IL10RB: variants seen among roughly 807,000 people sequenced by gnomAD.
IL10RB encodes the protein interleukin-10 receptor subunit beta.
IL10RB carries 30 observed loss-of-function variants against 38.7 expected under a neutral mutation model. The observed-to-expected ratio is 0.78, with a 90% CI of 0.58 to 1.05. The LOEUF (loss-of-function observed/expected upper bound fraction) is 1.05, where lower values mean the gene tolerates loss of function less well. Among genes scored for constraint, IL10RB ranks in the 50% least tolerant of loss-of-function variants. The pLI is 0.00. For missense variants in IL10RB, 328 were observed against 397.1 expected (o/e 0.83, Z 1.48); for synonymous variants, 142 against 145.9 (o/e 0.97, Z 0.19).
chr21:33,305,405 G>A (rs932740637), intron 1 of IL10RB, among the ~76,000 whole-genome samples: 3 of 151,788 alleles, frequency 2.0e-5, no homozygotes, highest in South Asian at 2.1e-4. Flanking sequence ...CCCCATGCCC[G>A]GCCCTTCAAC....
chr21:33,294,849 C>T (rs1424935366), intron 6 of IL10RB, among the ~76,000 whole-genome samples: 3 of 152,148 alleles, frequency 2.0e-5, no homozygotes, highest in Non-Finnish European at 4.4e-5. Flanking sequence ...AGTGGGAAAC[C>T]AGCAGAGATT....
At chr21:33,291,131 T>C (rs1989478694) in intron 6 of IL10RB, among the ~76,000 whole-genome samples, 1 of 152,130 alleles carries the variant, frequency 6.6e-6, no homozygotes, top group Non-Finnish European at 1.5e-5. Context: ...TTGCCCCTCC[T>C]TTATACAGAC....
At chr21:33,273,819 C>T (rs1420584350) in intron 2 of IL10RB, among the ~76,000 whole-genome samples, 5 of 152,238 alleles carry the variant, frequency 3.3e-5, no homozygotes, top group African/African-American at 4.8e-5. Flanking sequence ...TTTCTTTGCT[C>T]ACTCATTAGA....
intron 1 of IL10RB, 144 bp from the exon 2 acceptor site, chr21:33,268,250 A>G: frequency 6.5e-7 from 1 of 1,548,284 alleles, no homozygotes; most frequent in East Asian, 2.4e-5. Flanking sequence ...TCCTCAGCAC[A>G]GCCAACCTGT....
intron 2 of IL10RB, among the ~76,000 whole-genome samples, chr21:33,269,054 A>G (rs1989027697): frequency 6.6e-6 from 1 of 152,202 alleles, no homozygotes; most frequent in South Asian, 2.1e-4. Flanking sequence ...TAATTTGCAT[A>G]ATGAGTGCTC....
chr21:33,299,282 C>CA (rs2082979454), downstream of IL10RB, among the ~76,000 whole-genome samples: 1 of 152,146 alleles, frequency 6.6e-6, no homozygotes, highest in Non-Finnish European at 1.5e-5. Context: ...TTTCCCCAGA[C>CA]AAAGGATGCC....
At chr21:33,269,205 C>A (rs1040054923) in intron 2 of IL10RB, among the ~76,000 whole-genome samples, 1 of 152,198 alleles carries the variant, frequency 6.6e-6, no homozygotes, top group Non-Finnish European at 1.5e-5. Flanking sequence ...ATCTGAACGC[C>A]CTCTACCTCT....
intron 4 of IL10RB, among the ~76,000 whole-genome samples, chr21:33,280,581 A>T (rs1238218008): frequency 6.6e-6 from 1 of 152,242 alleles, no homozygotes; most frequent in Non-Finnish European, 1.5e-5. Flanking sequence ...ACATCAGTAC[A>T]TGAGGTTTCC....
chr21:33,291,581 G>T (rs532778370), intron 6 of IL10RB, among the ~76,000 whole-genome samples: 1 of 152,114 alleles, frequency 6.6e-6, no homozygotes, highest in Admixed American at 6.6e-5. Context: ...CATGAATTTT[G>T]TAGGAACAGA....
intron 6 of IL10RB, chr21:33,294,245 A>C (rs1989545868): frequency 3.0e-6 from 1 of 333,620 alleles, no homozygotes. Flanking sequence ...TAATGATAGA[A>C]TCCATTAACC....
At chr21:33,267,677 G>A (rs951416639) in intron 1 of IL10RB, among the ~76,000 whole-genome samples, 34 of 151,636 alleles carry the variant, frequency 2.2e-4, no homozygotes, top group African/African-American at 8.2e-4. Flanking sequence ...CACTACGCCT[G>A]GCTAATTTTT....
chr21:33,272,183 G>C (rs1989094534), intron 2 of IL10RB, among the ~76,000 whole-genome samples: 1 of 152,150 alleles, frequency 6.6e-6, no homozygotes, highest in Non-Finnish European at 1.5e-5. Flanking sequence ...GATTTTTCTA[G>C]GTATCACTAA....
At chr21:33,295,833 T>C (rs1181598774) in intron 6 of IL10RB, among the ~76,000 whole-genome samples, 2 of 151,980 alleles carry the variant, frequency 1.3e-5, no homozygotes, top group Admixed American at 6.6e-5. Context: ...TCAGCTGAGG[T>C]CAGGAGTTCA....
chr21:33,269,796 G>C (rs1989042908), intron 2 of IL10RB, among the ~76,000 whole-genome samples: 1 of 151,864 alleles, frequency 6.6e-6, no homozygotes, highest in South Asian at 2.1e-4. Flanking sequence ...GTAGATGGGA[G>C]TACAGGCTCC....
intron 5 of IL10RB, among the ~76,000 whole-genome samples, chr21:33,286,294 T>C (rs1229865482): frequency 6.6e-6 from 1 of 152,184 alleles, no homozygotes; most frequent in African/African-American, 2.4e-5. Flanking sequence ...CTGTGTCCCT[T>C]TAAAACGACA....
intron 2 of IL10RB, among the ~76,000 whole-genome samples, chr21:33,272,835 C>G (rs1568903940): frequency 6.6e-6 from 1 of 152,202 alleles, no homozygotes; most frequent in Non-Finnish European, 1.5e-5. Context: ...AGCTTAGATT[C>G]AGGAGATTGT....
intron 6 of IL10RB, among the ~76,000 whole-genome samples, chr21:33,292,277 C>T (rs191644289): frequency 6.6e-6 from 1 of 152,272 alleles, no homozygotes; most frequent in East Asian, 1.9e-4. Flanking sequence ...CGGCCCAAAG[C>T]TCTGCCCGTG....
chr21:33,300,073 A>T (rs537314610), downstream of IL10RB, among the ~76,000 whole-genome samples: 1 of 152,284 alleles, frequency 6.6e-6, no homozygotes, highest in South Asian at 2.1e-4. Context: ...CCAAGTTGCT[A>T]CCCCTTTCTT....
At chr21:33,295,004 CTCTG>C (rs2123603874) in intron 6 of IL10RB, among the ~76,000 whole-genome samples, 1 of 152,342 alleles carries the variant, frequency 6.6e-6, no homozygotes, top group East Asian at 1.9e-4. Flanking sequence ...GAGAAGGCAG[CTCTG>C]TCTGATAGAG....
Sources: gnomAD v4.1 joint callset for allele counts (sites outside exome capture counted in the v4.1 genomes callset) on GRCh38, gnomAD v4.1.1 for gene constraint, MANE v1.5 for transcripts, NCBI Gene and HGNC (gene_info 2026-07-23, HGNC 2026-07-21) for gene names.